Variants in SPPL3 observed in about 807,000 individuals in gnomAD.
SPPL3 encodes the protein signal peptide peptidase like 3.
In SPPL3, 5 loss-of-function variants were observed where a neutral mutation model predicts 42.4. That is an observed-to-expected ratio of 0.12 (90% CI 0.06 to 0.25). The LOEUF is 0.25. SPPL3 is among the 10% of genes least tolerant of loss of function. SPPL3 has a pLI of 1.00. For synonymous variants in SPPL3, 195 were observed against 181.8 expected (o/e 1.07, Z -0.58); for missense variants, 235 against 489.0 (o/e 0.48, Z 4.90).
chr12:120,776,501 T>A (rs1869325917), intron 6 of SPPL3, among the ~76,000 whole-genome samples: 1 of 152,036 alleles, frequency 6.6e-6, no homozygotes, highest in Non-Finnish European at 1.5e-5. Context: ...GTACAACGAA[T>A]AAAATTCTCC....
At chr12:120,879,097 G>C (rs1291449956) in intron 1 of SPPL3, among the ~76,000 whole-genome samples, 1 of 77,328 alleles carries the variant, frequency 1.3e-5, no homozygotes, top group East Asian at 4.4e-4. Context: ...TGGGCAACAA[G>C]AGCAAAACTC....
chr12:120,868,538 G>C (rs1400280684), intron 1 of SPPL3, among the ~76,000 whole-genome samples: 5 of 152,058 alleles, frequency 3.3e-5, no homozygotes, highest in Non-Finnish European at 7.4e-5. Flanking sequence ...CTAGAGTGCA[G>C]TGGCACAATC....
chr12:120,813,717 T>C (rs956250921), intron 1 of SPPL3, among the ~76,000 whole-genome samples: 2 of 151,958 alleles, frequency 1.3e-5, no homozygotes, highest in African/African-American at 4.8e-5. Context: ...ATGGTTCCAG[T>C]GTCTTGGGTT....
intron 1 of SPPL3, among the ~76,000 whole-genome samples, chr12:120,831,587 T>C (rs1299656747): frequency 1.3e-5 from 2 of 152,236 alleles, no homozygotes; most frequent in East Asian, 1.9e-4. Context: ...TCTCAGCCAC[T>C]TGTATCTCTA....
intron 1 of SPPL3, among the ~76,000 whole-genome samples, chr12:120,866,563 G>C (rs987408394): frequency 1.3e-5 from 2 of 152,010 alleles, no homozygotes; most frequent in Non-Finnish European, 2.9e-5. Flanking sequence ...TCCTGAAAAA[G>C]GCATGTTCAA....
At chr12:120,783,587 G>C (rs1470278986) in intron 5 of SPPL3, 87 bp downstream of exon 5, 1 of 1,270,546 alleles carries the variant, frequency 7.9e-7, no homozygotes, top group Non-Finnish European at 1.1e-6. Context: ...GCCAATAACA[G>C]AAATTGAGAA....
intron 2 of SPPL3, among the ~76,000 whole-genome samples, chr12:120,808,968 C>A (rs1870591156): frequency 6.6e-6 from 1 of 152,192 alleles, no homozygotes; most frequent in South Asian, 2.1e-4. Context: ...CAAGATTACA[C>A]TGATAAGGTT....
chr12:120,884,628 G>A (rs774357776), intron 1 of SPPL3, among the ~76,000 whole-genome samples: 15 of 149,740 alleles, frequency 1.0e-4, no homozygotes, highest in African/African-American at 2.4e-4. Context: ...TTTAATGAAA[G>A]ATCTCTCTGT....
chr12:120,769,828 G>C (rs1235112123), intron 6 of SPPL3: 1 of 152,126 alleles, frequency 6.6e-6, no homozygotes, highest in African/African-American at 2.4e-5. Context: ...TGGGATTACA[G>C]GCATGAGCCA....
chr12:120,873,969 A>AAT (rs1159213362), intron 1 of SPPL3, among the ~76,000 whole-genome samples: 3 of 152,168 alleles, frequency 2.0e-5, no homozygotes, highest in African/African-American at 7.2e-5. Flanking sequence ...AAAAAAAGTC[A>AAT]ATATAAACTT....
intron 10 of SPPL3, among the ~76,000 whole-genome samples, chr12:120,765,722 G>A (rs892805800): frequency 2.0e-5 from 3 of 151,494 alleles, no homozygotes; most frequent in Admixed American, 6.6e-5. Context: ...CAAGAAAAGG[G>A]CTTTTATCAA....
At chr12:120,876,631 A>AAGAAAAAAG (rs1873102350) in intron 1 of SPPL3, among the ~76,000 whole-genome samples, 1 of 150,634 alleles carries the variant, frequency 6.6e-6, no homozygotes, top group African/African-American at 2.4e-5. Context: ...AAAAAAAAAA[A>AAGAAAAAAG]AAAAAGAAGA....
At chr12:120,874,267 A>G (rs900114555) in intron 1 of SPPL3, among the ~76,000 whole-genome samples, 2 of 152,074 alleles carry the variant, frequency 1.3e-5, no homozygotes, top group Non-Finnish European at 2.9e-5. Context: ...AACCTGGCCA[A>G]CATGGTGAAA....
chr12:120,848,048 T>C (rs999329631), intron 1 of SPPL3, among the ~76,000 whole-genome samples: 2 of 152,180 alleles, frequency 1.3e-5, no homozygotes, highest in African/African-American at 4.8e-5. Flanking sequence ...TTCATCACAC[T>C]GGTGTGAGAT....
intron 1 of SPPL3, among the ~76,000 whole-genome samples, chr12:120,832,242 A>G (rs1871448443): frequency 6.6e-6 from 1 of 152,194 alleles, no homozygotes; most frequent in Non-Finnish European, 1.5e-5. Context: ...CAACATTTAG[A>G]CTGTGTACCA....
intron 6 of SPPL3, among the ~76,000 whole-genome samples, chr12:120,777,751 C>CA (rs1566038929): frequency 1.3e-5 from 2 of 152,218 alleles, no homozygotes; most frequent in Admixed American, 1.3e-4. Context: ...AGCCATTGCA[C>CA]TTCAGACTGC....
chr12:120,847,621 A>G (rs471688), intron 1 of SPPL3, among the ~76,000 whole-genome samples: 73,273 of 151,450 alleles, frequency 0.48, 17,910 homozygotes, highest in East Asian at 0.56. Flanking sequence ...AAGTAGAGGC[A>G]GGTCTCACTC....
intron 1 of SPPL3, among the ~76,000 whole-genome samples, chr12:120,843,912 C>T (rs776485521): frequency 4.6e-5 from 7 of 152,070 alleles, no homozygotes; most frequent in South Asian, 2.1e-4. Flanking sequence ...GAGCCAGGGT[C>T]GCGCCACTGC....
At chr12:120,893,459 A>C (rs1348581066) in intron 1 of SPPL3, among the ~76,000 whole-genome samples, 4 of 152,124 alleles carry the variant, frequency 2.6e-5, no homozygotes, top group African/African-American at 7.2e-5. Context: ...AACAAAAAGA[A>C]GACCTTTATG....
Sources: allele counts gnomAD v4.1 joint callset (sites outside exome capture counted in the v4.1 genomes callset), GRCh38; gene constraint gnomAD v4.1.1; transcripts MANE v1.5; gene names NCBI Gene and HGNC (gene_info 2026-07-23, HGNC 2026-07-21).